The following AHR variants were observed in gnomAD, a reference collection of about 807,000 sequenced individuals.
The protein encoded by AHR is aryl hydrocarbon receptor.
A neutral mutation model predicts 86.8 loss-of-function variants in AHR; 40 were observed. That is an observed-to-expected ratio of 0.46 (90% confidence interval 0.36 to 0.60). The LOEUF is 0.60. Among genes scored for constraint, AHR ranks in the 20% least tolerant of loss-of-function variants. The pLI is 0.00. For missense variants in AHR, 1,001 were observed against 1,011.6 expected (o/e 0.99, Z 0.14); for synonymous variants, 398 against 354.9 (o/e 1.12, Z -1.37).
chr7:17,315,608 T>C (rs1414598244), intron 2 of AHR, among the ~76,000 whole-genome samples: 2 of 151,998 alleles, frequency 1.3e-5, no homozygotes, highest in African/African-American at 2.4e-5. Context: ...TCACCAACTT[T>C]CAGCAATTTT....
Position 17,340,216 on chromosome 7 carries a change from A to G in AHR, c.2391A>G (p.Ala797=), listed in dbSNP as rs1782405838. 1.2e-6 allele frequency: 2 copies of G among 1,607,458 alleles called. No homozygotes were observed. Among genetic ancestry groups the G allele is most frequent in the South Asian group, 1.1e-5 (1 of 90,262 alleles). Residue 797 remains alanine (A), a synonymous_variant, in exon 10 of 11, where the codon GCA becomes GCG. Coordinates refer to ENST00000242057, the MANE Select transcript of AHR (RefSeq NM_001621.5). The stretch of plus-strand genomic sequence containing the variant: ...ATCCAGTACTGCCAGGCCAACAGGC[A>G]TTTTTAAACAAGGTAAGGGTGTTAT... ...QYNPVLPGQQ[A]FLNKFQNGVL... is the part of the protein sequence containing the mutation.
intron 9 of AHR, among the ~76,000 whole-genome samples, chr7:17,338,153 C>A (rs1239060910): frequency 3.4e-5 from 5 of 149,038 alleles, no homozygotes; most frequent in Non-Finnish European, 7.4e-5. Context: ...GAGCCGAGAT[C>A]GCGCCACTGC....
intron 8 of AHR, 150 bp from the exon 9 acceptor site, chr7:17,335,495 A>G (rs1423913416): frequency 1.6e-5 from 10 of 614,772 alleles, no homozygotes; most frequent in Non-Finnish European, 2.3e-5. Flanking sequence ...AACTATTTCC[A>G]TGCCTTTTAT....
rs7796976 is a variant in AHR, at chr7:17,298,806, A to G, written c.-459A>G. ...CGCAGGCGGGAAGCACCCTGGATTT[A>G]GGAAGTCCCGGGAGCAGCGCGGCGG... On this transcript the variant is annotated 5_prime_UTR_variant, in exon 1 of 11. Coordinates refer to ENST00000242057, the MANE Select transcript of AHR (RefSeq NM_001621.5). 306,668 of 397,804 alleles carry G rather than the reference A, an allele frequency of 0.77. 118,847 individuals carry two copies. The highest frequency in any genetic ancestry group is 0.9 in the African/African-American group (43,780 of 48,632). 24.6% of individuals were successfully genotyped at this position (397,804 alleles called of 1,614,324 possible).
At chr7:17,336,741 T>A (rs1166164246) in intron 9 of AHR, among the ~76,000 whole-genome samples, 1 of 152,160 alleles carries the variant, frequency 6.6e-6, no homozygotes, top group Non-Finnish European at 1.5e-5. Context: ...TGTATATGAG[T>A]GCATGGGTAT....
chr7:17,338,387 A>T (rs116062983), intron 9 of AHR, among the ~76,000 whole-genome samples: 2,644 of 151,988 alleles, frequency 0.017, 79 homozygotes, highest in African/African-American at 0.06. Flanking sequence ...ACAGGATCTT[A>T]CTCTGTCACC....
chr7:17,311,598 G>T (rs1037582137), intron 2 of AHR, among the ~76,000 whole-genome samples: 1 of 152,138 alleles, frequency 6.6e-6, no homozygotes, highest in Non-Finnish European at 1.5e-5. Context: ...TAGTTTAACA[G>T]TTGTGGTCTG....
At position 17,332,965 on chromosome 7, in the gene AHR, G is replaced by A. The variant is rs545370134; in HGVS notation, c.706-947G>A. On this transcript the variant is annotated intron_variant, in intron 6 of 10. Coordinates refer to ENST00000242057, the MANE Select transcript of AHR (RefSeq NM_001621.5). Reference sequence around the variant, plus strand: ...TATACCATTTTTTGTCTTTTATACTGTATTTTTACTGTATATTTTCTATGT... The same window carrying A: ...TATACCATTTTTTGTCTTTTATACTATATTTTTACTGTATATTTTCTATGT... Among the ~76,000 whole-genome samples, 5 of 151,752 alleles carry A rather than the reference G, an allele frequency of 3.3e-5. No individual in the cohort carries two copies. The South Asian group carries it at 1.0e-3, about 31-fold the overall frequency.
Position 17,325,384 on chromosome 7 carries a change from A to G in AHR, c.361-2375A>G, listed in dbSNP as rs371199004. Among the ~76,000 whole-genome samples the G allele has an allele frequency of 7.2e-5, 11 of 152,366 alleles. No individual in the cohort carries two copies. The East Asian group carries it at 9.6e-4, about 13-fold the overall frequency. The stretch of plus-strand genomic sequence containing the variant: ...AATTTGTTTCACTGTTTGAAAAAGT[A>G]TGATGTTCTACAAAATAATATGAAT... On this transcript the variant is annotated intron_variant, in intron 3 of 10. Transcript: ENST00000242057.
intron 8 of AHR, 101 bp from the exon 9 acceptor site, chr7:17,335,544 G>T: frequency 1.0e-6 from 1 of 953,738 alleles, no homozygotes; most frequent in Non-Finnish European, 1.5e-6. Context: ...GGGGATAAAG[G>T]AAATACATCC....
intron 8 of AHR, among the ~76,000 whole-genome samples, chr7:17,335,265 C>T (rs1782342863): frequency 6.6e-6 from 1 of 151,994 alleles, no homozygotes. Context: ...ACATCGTTAT[C>T]AATTCATAAA....
rs1321443199 is a variant in AHR, at chr7:17,343,308, G to A, written c.*244G>A. 7.8e-5 allele frequency: 38 copies of A among 488,786 alleles called. No individual in the cohort carries two copies. The highest frequency in any genetic ancestry group is 3.6e-4 in the South Asian group (13 of 35,802). The allele number at this position is 488,786 out of a possible 1,614,324, so 30.3% of individuals were successfully genotyped here. A position where few individuals can be genotyped will look rare whatever the true frequency, so the allele number is the denominator to read the frequency against. ...TGCTGCCACGGAGTGGTGAGGTACC[G>A]TCTACATTTCACATTATTCTGGGCA... is the stretch of plus-strand genomic sequence containing the variant. On this transcript the variant is annotated 3_prime_UTR_variant, in exon 11 of 11. Transcript: ENST00000242057.
At chr7:17,322,477 A>G (rs770595590) in intron 2 of AHR, 24 bp from the exon 3 acceptor site, 3 of 1,487,632 alleles carry the variant, frequency 2.0e-6, no homozygotes, top group Non-Finnish European at 2.8e-6. Flanking sequence ...TTTTAAAATC[A>G]TTGTTTTTCC....
intron 3 of AHR, among the ~76,000 whole-genome samples, chr7:17,324,905 GTCTT>G (rs1028816418): frequency 1.3e-5 from 2 of 152,150 alleles, no homozygotes; most frequent in East Asian, 1.9e-4. Context: ...GAATAACTGT[GTCTT>G]TATTTACTTC....
intron 6 of AHR, among the ~76,000 whole-genome samples, chr7:17,332,866 C>G (rs1782315214): frequency 6.6e-6 from 1 of 151,898 alleles, no homozygotes; most frequent in Non-Finnish European, 1.5e-5. Flanking sequence ...ATTCACTCAC[C>G]ACTCACTCAC....
chr7:17,298,915 C>A lies in AHR; in HGVS notation c.-350C>A. The A allele has an allele frequency of 2.4e-6, 1 of 412,784 alleles. No individual in the cohort carries two copies. The highest frequency in any genetic ancestry group is 3.6e-5 in the East Asian group (1 of 28,090). 25.6% of individuals were successfully genotyped at this position (412,784 alleles called of 1,614,324 possible). ...GACCCAGGCCAGGATTCTAAATAGA[C>A]GGCCCAGGCTCCTCCTCCGCCCGGG... On this transcript the variant is annotated 5_prime_UTR_variant, in exon 1 of 11. Coordinates refer to ENST00000242057, the MANE Select transcript of AHR (RefSeq NM_001621.5).
intron 1 of AHR, among the ~76,000 whole-genome samples, chr7:17,302,238 T>C (rs772568995): frequency 1.3e-5 from 2 of 152,044 alleles, no homozygotes; most frequent in Non-Finnish European, 2.9e-5. Context: ...TGATACCAGC[T>C]GTAGTGGTGA....
intron 3 of AHR, among the ~76,000 whole-genome samples, chr7:17,323,574 T>C (rs1381966383): frequency 2.0e-5 from 3 of 152,192 alleles, no homozygotes; most frequent in Non-Finnish European, 1.5e-5. Context: ...CTGTCACCGC[T>C]ATGTGATCAT....
intron 2 of AHR, among the ~76,000 whole-genome samples, chr7:17,318,809 G>A (rs1407511951): frequency 1.3e-5 from 2 of 152,154 alleles, no homozygotes; most frequent in Non-Finnish European, 2.9e-5. Context: ...GCCGATTAAT[G>A]TGTCTTTTGT....
Sources: gnomAD v4.1 joint callset for allele counts (sites outside exome capture counted in the v4.1 genomes callset) on GRCh38, gnomAD v4.1.1 for gene constraint, MANE v1.5 for transcripts, NCBI Gene and HGNC (gene_info 2026-07-23, HGNC 2026-07-21) for gene names.